ELFN2: variants seen among roughly 807,000 people sequenced by gnomAD.
ELFN2 encodes protein phosphatase 1 regulatory subunit 29.
A neutral mutation model predicts 45.5 loss-of-function variants in ELFN2; 17 were observed. The ratio of observed to expected loss-of-function variants is 0.37; its 90% CI spans 0.26 to 0.56. The LOEUF is 0.56. Among genes scored for constraint, ELFN2 ranks in the 20% least tolerant of loss-of-function variants. ELFN2 has a pLI of 0.77. For missense variants in ELFN2, 922 were observed against 1,183.2 expected (o/e 0.78, Z 3.24); for synonymous variants, 550 against 551.5 (o/e 1.00, Z 0.04).
Position 37,370,307 on chromosome 22 carries a change from C to T in ELFN2, c.*2765G>A, listed in dbSNP as rs2145630444. 1 of 151,638 alleles carries T rather than the reference C, an allele frequency of 6.6e-6. No individual in the cohort carries two copies. Among genetic ancestry groups the T allele is most frequent in the African/African-American group, 2.4e-5 (1 of 41,288 alleles). 9.4% of individuals were successfully genotyped at this position (151,638 alleles called of 1,614,324 possible). On this transcript the variant is annotated 3_prime_UTR_variant, in exon 3 of 3. Transcript: ENST00000402918. ...CTGGGAACCCTCCCTGGGGCCCAGCCCAGGCGTGCTCCTTCTTCCCACGGG... is the reference window on the plus strand; with the variant it reads ...CTGGGAACCCTCCCTGGGGCCCAGCTCAGGCGTGCTCCTTCTTCCCACGGG...
intron 2 of ELFN2, among the ~76,000 whole-genome samples, chr22:37,394,463 G>A (rs753594): frequency 0.28 from 43,302 of 152,070 alleles, 7,498 homozygotes; most frequent in East Asian, 0.43. Context: ...TGGCCCGGCC[G>A]CCTGTTCCAG....
At chr22:37,359,288 TCA>T (rs1569127746) in intron 1 of ELFN2, among the ~76,000 whole-genome samples, 1 of 152,160 alleles carries the variant, frequency 6.6e-6, no homozygotes, top group Non-Finnish European at 1.5e-5. Context: ...GAGGTCGCTG[TCA>T]CTGACCCTCA....
chr22:37,375,573 G>A lies in ELFN2; in HGVS notation c.-39C>T. On this transcript the variant is annotated 5_prime_UTR_variant, in exon 3 of 3. Transcript: ENST00000402918. ...GAGTGAGGGGCCAGGGCAAGGCAGG[G>A]GGTGCCTAGCGGCCAGAGGCTGGGG... 1 of 1,497,986 alleles carries A rather than the reference G, an allele frequency of 6.7e-7. No individual in the cohort carries two copies. The highest frequency in any genetic ancestry group is 8.9e-7 in the Non-Finnish European group (1 of 1,123,266). 92.8% of individuals were successfully genotyped at this position (1,497,986 alleles called of 1,614,324 possible).
chr22:37,392,869 G>A (rs1267234906), intron 2 of ELFN2, among the ~76,000 whole-genome samples: 1 of 152,196 alleles, frequency 6.6e-6, no homozygotes, highest in Non-Finnish European at 1.5e-5. Context: ...ATCAGCAGCA[G>A]CTCACGCACC....
At chr22:37,388,205 AT>A (rs778592518) in intron 2 of ELFN2, among the ~76,000 whole-genome samples, 8 of 151,786 alleles carry the variant, frequency 5.3e-5, no homozygotes, top group Non-Finnish European at 1.0e-4. Context: ...ATCTGGGAAA[AT>A]TCCAACAGCA....
Position 37,372,854 on chromosome 22 carries a change from A to G in ELFN2, c.*218T>C, listed in dbSNP as rs934730603. ...TATCAGTTTGTAAACTTTAAGGAAA[A>G]TGTGTCTCTGTTTTCCTGTCCGTTA... On this transcript the variant is annotated 3_prime_UTR_variant, in exon 3 of 3. Transcript: ENST00000402918. This position sits in a 1 kb window ranked among gnomAD's most constrained non-coding sequence, Gnocchi z 4.4. 2 of 571,178 alleles carry G rather than the reference A, an allele frequency of 3.5e-6. No homozygotes were observed. Among genetic ancestry groups the G allele is most frequent in the Admixed American group, 3.3e-5 (1 of 29,864 alleles). 35.4% of individuals were successfully genotyped at this position (571,178 alleles called of 1,614,324 possible).
intron 2 of ELFN2, among the ~76,000 whole-genome samples, chr22:37,382,401 C>G (rs549701045): frequency 6.6e-6 from 1 of 152,140 alleles, no homozygotes; most frequent in Non-Finnish European, 1.5e-5. Flanking sequence ...CATGCCGCCA[C>G]GCCCAGCTAA....
chr22:37,361,491 T>C (rs1569128219), intron 1 of ELFN2, among the ~76,000 whole-genome samples: 1 of 151,878 alleles, frequency 6.6e-6, no homozygotes, highest in Non-Finnish European at 1.5e-5. Context: ...CGTTCCCTCC[T>C]CTGTGAGCAG....
chr22:37,419,689 G>A (rs1282209286), intron 1 of ELFN2, among the ~76,000 whole-genome samples: 2 of 152,156 alleles, frequency 1.3e-5, no homozygotes, highest in Non-Finnish European at 2.9e-5. Context: ...CATGCCCCAA[G>A]CATGCCCACA....
chr22:37,381,880 C>T (rs371926130), intron 2 of ELFN2, among the ~76,000 whole-genome samples: 2 of 131,908 alleles, frequency 1.5e-5, no homozygotes, highest in East Asian at 2.5e-4. Flanking sequence ...GGCATGAACC[C>T]GGGAGGCGGA....
At chr22:37,420,563 G>A (rs1569145244) in intron 1 of ELFN2, 1 of 152,732 alleles carries the variant, frequency 6.5e-6, no homozygotes, top group Non-Finnish European at 1.5e-5. Context: ...TGTGCAAGGT[G>A]CTGGGGCAGG....
chr22:37,398,635 T>A (rs7292621), intron 2 of ELFN2, among the ~76,000 whole-genome samples: 6,767 of 152,014 alleles, frequency 0.045, 494 homozygotes, highest in African/African-American at 0.15. Context: ...CCTCCCCAGC[T>A]CCTCTGCTCC....
chr22:37,419,096 A>G (rs1255555282), intron 1 of ELFN2: 2 of 151,918 alleles, frequency 1.3e-5, no homozygotes. Flanking sequence ...ACATATGTAG[A>G]CCCACCAAGT....
intron 2 of ELFN2, among the ~76,000 whole-genome samples, chr22:37,397,484 C>T (rs929373674): frequency 3.9e-5 from 6 of 152,170 alleles, no homozygotes; most frequent in South Asian, 2.1e-4. Flanking sequence ...CCGTCCAGTA[C>T]GATGGCTCCC....
intron 1 of ELFN2, among the ~76,000 whole-genome samples, chr22:37,422,943 CG>C (rs67054331): frequency 0.2 from 5,777 of 28,836 alleles, 231 homozygotes; most frequent in Middle Eastern, 0.38. Context: ...AACTGGGCCT[CG>C]GGGGGGGGGG....
intron 2 of ELFN2, among the ~76,000 whole-genome samples, chr22:37,393,964 C>T (rs1000562181): frequency 2.6e-5 from 4 of 152,190 alleles, no homozygotes; most frequent in Non-Finnish European, 4.4e-5. Context: ...ATGATGCCAC[C>T]GCCAGCATCA....
chr22:37,353,878 A>T lies in ELFN2; in HGVS notation n.149-11175T>A, dbSNP rs974365287. 2.8e-5 allele frequency: 4 copies of T among 144,132 alleles called. 1 individual carries two copies. 8.9% of individuals were successfully genotyped at this position (144,132 alleles called of 1,614,324 possible). On this transcript the variant is annotated intron_variant and non_coding_transcript_variant, in intron 1 of 2. Transcript: ENST00000452946. ...TGGTATCTAGGAAAGAGGAACACACATTTGCCCTATGACTGAGCGATTCAT... is the reference window on the plus strand; with the variant it reads ...TGGTATCTAGGAAAGAGGAACACACTTTTGCCCTATGACTGAGCGATTCAT...
chr22:37,375,033 C>T lies in ELFN2; in HGVS notation c.502G>A (p.Gly168Ser), dbSNP rs750784188. Residue 168 changes from glycine (G) to serine (S), a missense_variant, in exon 3 of 3, where the codon GGT becomes AGT. Coordinates refer to ENST00000402918, the MANE Select transcript of ELFN2 (RefSeq NM_052906.5). ...LSSNRLSRLDGATFASLASLM... is the reference protein window; with the variant it reads ...LSSNRLSRLDSATFASLASLM... ...CTGGCGAGGCTGGCAAAGGTGGCAC[C>T]GTCCAGGCGGCTGAGGCGGTTGGAG... The T allele has an allele frequency of 1.5e-5, 24 of 1,613,372 alleles. No individual in the cohort carries two copies. Among genetic ancestry groups the T allele is most frequent in the Non-Finnish European group, 1.9e-5 (23 of 1,180,032 alleles).
chr22:37,414,022 G>A (rs1157575145), intron 2 of ELFN2, among the ~76,000 whole-genome samples: 1 of 152,190 alleles, frequency 6.6e-6, no homozygotes, highest in East Asian at 1.9e-4. Context: ...TGGCCTCACT[G>A]TCCTCTTGTA....
Sources: allele counts gnomAD v4.1 joint callset (sites outside exome capture counted in the v4.1 genomes callset), GRCh38; gene constraint gnomAD v4.1.1; non-coding constraint Gnocchi (gnomAD v3.1); transcripts MANE v1.5; gene names NCBI Gene and HGNC (gene_info 2026-07-23, HGNC 2026-07-21).